NAV2: variants seen among roughly 807,000 people sequenced by gnomAD.
NAV2 encodes helicase, APC down-regulated 1.
In NAV2, 54 loss-of-function variants were observed where a neutral mutation model predicts 223.2. The observed-to-expected ratio is 0.24, with a 90% CI of 0.19 to 0.30. The LOEUF (loss-of-function observed/expected upper bound fraction) is 0.30. NAV2 is among the 10% of genes least tolerant of loss of function. The pLI is 1.00. For synonymous variants in NAV2, 1,279 were observed against 1,239.3 expected (o/e 1.03, Z -0.67); for missense variants, 2,806 against 3,147.5 (o/e 0.89, Z 2.60).
chr11:20,008,291 G>A (rs1375429108), intron 11 of NAV2, among the ~76,000 whole-genome samples: 1 of 152,068 alleles, frequency 6.6e-6, no homozygotes, highest in Non-Finnish European at 1.5e-5. Context: ...CCATGAGGCC[G>A]AGGTTGCAAT....
At chr11:19,526,733 C>A (rs1276952920) in intron 1 of NAV2, among the ~76,000 whole-genome samples, 1 of 152,170 alleles carries the variant, frequency 6.6e-6, no homozygotes. Flanking sequence ...TGCACTTGAT[C>A]ATGAGGCCAC....
rs780277928 is a variant in NAV2 at position 19,949,083 on chromosome 11, A to G, written c.2645+3A>G. Reference sequence around the variant, plus strand: ...CGGACCGATGACATTACAAGCGGGTAAGTACCCGGGGCCGCCCTTTCTCCC... The same window carrying G: ...CGGACCGATGACATTACAAGCGGGTGAGTACCCGGGGCCGCCCTTTCTCCC... On this transcript the variant is annotated splice_donor_region_variant and intron_variant, in intron 10 of 37. Coordinates refer to ENST00000349880, the MANE Select transcript of NAV2 (RefSeq NM_145117.5). 8.8e-6 allele frequency: 14 copies of G among 1,593,638 alleles called. No individual in the cohort carries two copies. The South Asian group carries it at 1.5e-4, about 17-fold the overall frequency.
At position 19,511,323 on chromosome 11, in the gene NAV2, C is replaced by T. The variant is rs575639259; in HGVS notation, c.75+160296C>T. The T allele has an allele frequency of 3.9e-5, 6 of 152,316 alleles. No homozygotes were observed. The South Asian group carries it at 1.0e-3, about 26-fold the overall frequency. The allele number at this position is 152,316 out of a possible 1,614,324, so 9.4% of individuals were successfully genotyped here. ...GCAGACAAACCCCAGGATGCTTAAACTGGGATCCAGGGAGGCTTATGTGAA... is the reference window on the plus strand; with the variant it reads ...GCAGACAAACCCCAGGATGCTTAAATTGGGATCCAGGGAGGCTTATGTGAA... On this transcript the variant is annotated intron_variant, in intron 1 of 37. Coordinates refer to the NAV2 transcript ENST00000360655.
chr11:19,390,812 G>A (rs186485045), intron 1 of NAV2, among the ~76,000 whole-genome samples: 1 of 152,262 alleles, frequency 6.6e-6, no homozygotes, highest in African/African-American at 2.4e-5. Context: ...AAATGTACCA[G>A]GAGGCCCTGA....
At chr11:20,030,552 G>T (rs1293924567) in intron 11 of NAV2, among the ~76,000 whole-genome samples, 1 of 152,136 alleles carries the variant, frequency 6.6e-6, no homozygotes, top group Non-Finnish European at 1.5e-5. Context: ...TACAAAATTA[G>T]TGCTGTTTGA....
chr11:19,682,920 T>C (rs181181691), intron 1 of NAV2, among the ~76,000 whole-genome samples: 6 of 152,312 alleles, frequency 3.9e-5, no homozygotes, highest in South Asian at 2.1e-4. Context: ...TTGCCCATTT[T>C]TCAGATGAAA....
At chr11:19,980,806 T>C (rs1029205849) in intron 10 of NAV2, among the ~76,000 whole-genome samples, 1 of 152,220 alleles carries the variant, frequency 6.6e-6, no homozygotes, top group Non-Finnish European at 1.5e-5. Context: ...CAGAGCTGTT[T>C]GTAAATCATT....
Position 19,579,221 on chromosome 11 carries a change from C to G in NAV2, c.75+228194C>G, listed in dbSNP as rs149837957. 2.3e-3 allele frequency among the ~76,000 whole-genome samples: 348 copies of G among 152,352 alleles called. 3 individuals are homozygous for G. Among genetic ancestry groups the G allele is most frequent in the African/African-American group, 8.1e-3 (337 of 41,582 alleles). ...AGTTTTTAACCTCTCTAAGCCTCAG[C>G]TGTCTCAATTGTCAAATGGATATAA... On this transcript the variant is annotated intron_variant, in intron 1 of 37. Coordinates refer to the NAV2 transcript ENST00000360655.
chr11:20,014,675 G>T (rs911046483), intron 11 of NAV2, among the ~76,000 whole-genome samples: 2 of 152,280 alleles, frequency 1.3e-5, no homozygotes, highest in Non-Finnish European at 1.5e-5. Context: ...GCCAAGGCAG[G>T]TGGATCACCT....
chr11:19,933,300 T>C lies in NAV2; in HGVS notation c.1056T>C (p.Gly352=), dbSNP rs1166852639. 3 of 1,613,494 alleles carry C rather than the reference T, an allele frequency of 1.9e-6. No homozygotes were observed. Among genetic ancestry groups the C allele is most frequent in the African/African-American group, 2.7e-5 (2 of 74,900 alleles). ...CSTSSAIPQP[G]AATKPWRSKS... ...CCTCCTCGGCCATCCCGCAGCCCGG[T>C]GCAGCCACCAAGCCTTGGCGCAGCA... Residue 352 remains glycine (G), a synonymous_variant, in exon 7 of 38, where the codon GGT becomes GGC. Transcript: ENST00000349880. The surrounding 1 kb of genome is among the most constrained non-coding windows in gnomAD (Gnocchi z 4.3).
In NAV2 at chr11:20,090,679, A is replaced by G. The variant is rs192079612; in HGVS notation, c.5499-186A>G. Among the ~76,000 whole-genome samples the G allele has an allele frequency of 4.8e-3, 736 of 152,328 alleles. 5 individuals carry two copies. The highest frequency in any genetic ancestry group is 0.017 in the African/African-American group (695 of 41,580). ...GTCTAAATAAACCAATTTAAAGAAG[A>G]AAAAAAGAATACAGAGAAGGAATAA... On this transcript the variant is annotated intron_variant, in intron 26 of 37. Coordinates refer to ENST00000349880, the MANE Select transcript of NAV2 (RefSeq NM_145117.5).
intron 1 of NAV2, among the ~76,000 whole-genome samples, chr11:19,676,964 G>A (rs1247603993): frequency 6.6e-6 from 1 of 152,194 alleles, no homozygotes; most frequent in African/African-American, 2.4e-5. Context: ...GTGATTGTGT[G>A]TGCATGTGTG....
chr11:19,531,027 G>A (rs1174304234), intron 1 of NAV2, among the ~76,000 whole-genome samples: 3 of 152,136 alleles, frequency 2.0e-5, no homozygotes, highest in African/African-American at 7.2e-5. Flanking sequence ...ATATCGGTAT[G>A]TATTTCAACA....
chr11:19,657,923 C>T (rs1041503360), intron 1 of NAV2, among the ~76,000 whole-genome samples: 3 of 152,098 alleles, frequency 2.0e-5, no homozygotes, highest in Non-Finnish European at 2.9e-5. Context: ...GATCTGAGAA[C>T]ACTAGGGGAC....
At chr11:19,542,142 G>A (rs569143678) in intron 1 of NAV2, among the ~76,000 whole-genome samples, 7 of 152,124 alleles carry the variant, frequency 4.6e-5, no homozygotes, top group Non-Finnish European at 8.8e-5. Context: ...GCCCAGCACA[G>A]CCACAGACGG....
At chr11:19,679,436 A>AAAAAAAAAAAAAAAAACAC (rs1470340544) in intron 1 of NAV2, among the ~76,000 whole-genome samples, 3 of 151,842 alleles carry the variant, frequency 2.0e-5, no homozygotes, top group African/African-American at 7.2e-5. Flanking sequence ...GTCTCAAAAA[A>AAAAAAAAAAAAAAAAACAC]ACACAAAAAG....
chr11:19,470,942 C>T (rs531521786), intron 1 of NAV2, among the ~76,000 whole-genome samples: 1 of 152,236 alleles, frequency 6.6e-6, no homozygotes, highest in Admixed American at 6.5e-5. Context: ...ATAATGTAGT[C>T]TGTAGAGTCA....
At chr11:19,350,054 C>T (rs2133691645), upstream of NAV2, among the ~76,000 whole-genome samples, 1 of 150,690 alleles carries the variant, frequency 6.6e-6, no homozygotes, top group East Asian at 2.0e-4. Flanking sequence ...CATTGCTTCC[C>T]TGTCTCTTCA....
At chr11:19,860,812 C>G (rs1243384831) in intron 3 of NAV2, among the ~76,000 whole-genome samples, 1 of 152,086 alleles carries the variant, frequency 6.6e-6, no homozygotes, top group Middle Eastern at 3.4e-3. Context: ...GCGGATCACT[C>G]GCGGTTAGGA....
Sources: allele counts gnomAD v4.1 joint callset (sites outside exome capture counted in the v4.1 genomes callset), GRCh38; gene constraint gnomAD v4.1.1; non-coding constraint Gnocchi (gnomAD v3.1); transcripts MANE v1.5; gene names NCBI Gene and HGNC (gene_info 2026-07-23, HGNC 2026-07-21).